THADA: variants seen among roughly 807,000 people sequenced by gnomAD.
THADA encodes the protein tRNA (32-2'-O)-methyltransferase regulator THADA.
A neutral mutation model predicts 219.8 loss-of-function variants in THADA; 213 were observed. The observed-to-expected ratio is 0.97, with a 90% confidence interval of 0.87 to 1.09. THADA has a LOEUF of 1.09. Among genes scored for constraint, THADA ranks in the 50% least tolerant of loss-of-function variants. The probability of loss-of-function intolerance (pLI) is 0.00; values close to 1 mark genes in which losing one functional copy is unlikely to be tolerated. For missense variants in THADA, 2,956 were observed against 2,311.3 expected, an observed-to-expected ratio of 1.28 and a Z score of -5.72; for synonymous variants, 1,018 against 828.9, an observed-to-expected ratio of 1.23 and a Z score of -3.92.
At chr2:43,456,349 T>C (rs1682996712) in intron 26 of THADA, among the ~76,000 whole-genome samples, 1 of 152,226 alleles carries the variant, frequency 6.6e-6, no homozygotes, top group Non-Finnish European at 1.5e-5. Flanking sequence ...CATTTCATTT[T>C]AGAAAAGGCT....
At chr2:43,579,204 C>T (rs1307083108) in intron 8 of THADA, among the ~76,000 whole-genome samples, 1 of 152,232 alleles carries the variant, frequency 6.6e-6, no homozygotes, top group Non-Finnish European at 1.5e-5. Context: ...CTAACATACA[C>T]TTTCTTCCTC....
intron 29 of THADA, among the ~76,000 whole-genome samples, chr2:43,360,858 T>G (rs1243026728): frequency 6.6e-6 from 1 of 152,238 alleles, no homozygotes; most frequent in Non-Finnish European, 1.5e-5. Flanking sequence ...GACAACAGGA[T>G]ATTTCTCTTG....
intron 22 of THADA, among the ~76,000 whole-genome samples, chr2:43,517,233 T>C (rs1691833854): frequency 6.6e-6 from 1 of 152,156 alleles, no homozygotes; most frequent in Non-Finnish European, 1.5e-5. Context: ...GGGAAGTTTA[T>C]TACTATTAAT....
At chr2:43,533,104 G>T (rs942956327) in intron 21 of THADA, among the ~76,000 whole-genome samples, 5 of 152,244 alleles carry the variant, frequency 3.3e-5, no homozygotes, top group Middle Eastern at 3.4e-3. Flanking sequence ...CTTCTCAAAA[G>T]AAGATATTTA....
chr2:43,351,707 G>A (rs1010750436), intron 29 of THADA, among the ~76,000 whole-genome samples: 1 of 152,214 alleles, frequency 6.6e-6, no homozygotes, highest in African/African-American at 2.4e-5. Flanking sequence ...GGTCTTGCTA[G>A]GGGTGGCAGA....
intron 5 of THADA, 53 bp downstream of exon 5, chr2:43,586,801 T>C (rs1701073125): frequency 1.2e-6 from 2 of 1,611,212 alleles, no homozygotes; most frequent in Admixed American, 3.4e-5. Flanking sequence ...TTAAAAACTA[T>C]GATGTGATGA....
chr2:43,441,726 T>G lies in THADA; in HGVS notation c.3837-11424A>C, dbSNP rs562647972. Among the ~76,000 whole-genome samples, 3 of 152,322 alleles carry G rather than the reference T, an allele frequency of 2.0e-5. No homozygotes were observed. In the South Asian group the frequency reaches 6.2e-4, roughly 32 times the overall value. On this transcript the variant is annotated intron_variant, in intron 26 of 37. Transcript: ENST00000405975. ...AATTTCATAGGTTTTGGACTGCCCA[T>G]GTAAGGTCTGTAATCTAGCCTTACT...
chr2:43,257,570 C>T (rs1028620816), intron 36 of THADA, among the ~76,000 whole-genome samples: 3 of 152,216 alleles, frequency 2.0e-5, no homozygotes, highest in South Asian at 2.1e-4. Context: ...CCACTTCCTC[C>T]GTTGGCATCT....
chr2:43,581,660 C>T (rs982911278), intron 8 of THADA, 81 bp downstream of exon 8: 4 of 1,241,834 alleles, frequency 3.2e-6, no homozygotes, highest in Non-Finnish European at 4.5e-6. Context: ...TCACATTTCA[C>T]ACTATTAGTA....
chr2:43,344,242 A>T lies in THADA; in HGVS notation c.4228-5T>A, dbSNP rs1350840665. On this transcript the variant is annotated splice_polypyrimidine_tract_variant and splice_region_variant and intron_variant, in intron 29 of 37. Transcript: ENST00000405975. The stretch of plus-strand genomic sequence containing the variant: ...GGCTTGCAACAAATGAAAAACCTAA[A>T]CCAAAAAAGAAAAAAAAATCCTGCT... 1 of 1,578,492 alleles carries T rather than the reference A, an allele frequency of 6.3e-7. No homozygotes were observed. Among genetic ancestry groups the T allele is most frequent in the South Asian group, 1.2e-5 (1 of 86,370 alleles).
intron 26 of THADA, among the ~76,000 whole-genome samples, chr2:43,440,832 C>T (rs1417426520): frequency 6.6e-6 from 1 of 152,130 alleles, no homozygotes; most frequent in Non-Finnish European, 1.5e-5. Flanking sequence ...CTCTGCTGAC[C>T]ATAATACCAC....
chr2:43,573,099 A>T (rs1183740045), intron 11 of THADA, 107 bp from the exon 12 acceptor site: 19 of 945,440 alleles, frequency 2.0e-5, no homozygotes, highest in Non-Finnish European at 2.8e-5. Context: ...AATAAATAAA[A>T]ATCACATTTT....
chr2:43,327,290 A>G (rs756891855), intron 30 of THADA, among the ~76,000 whole-genome samples: 1 of 152,168 alleles, frequency 6.6e-6, no homozygotes, highest in Non-Finnish European at 1.5e-5. Flanking sequence ...GTTCTCAACC[A>G]CAATAAGCAA....
At chr2:43,408,631 G>T (rs1675895840) in intron 28 of THADA, among the ~76,000 whole-genome samples, 1 of 152,098 alleles carries the variant, frequency 6.6e-6, no homozygotes, top group Non-Finnish European at 1.5e-5. Flanking sequence ...TAAAATATGA[G>T]TATCTAACAA....
At chr2:43,338,135 G>A (rs905712092) in intron 30 of THADA, among the ~76,000 whole-genome samples, 5 of 148,606 alleles carry the variant, frequency 3.4e-5, no homozygotes, top group African/African-American at 1.2e-4. Context: ...CCATATTGTT[G>A]TGTAACAAAT....
At chr2:43,353,869 G>A (rs1227962896) in intron 29 of THADA, among the ~76,000 whole-genome samples, 2 of 147,928 alleles carry the variant, frequency 1.4e-5, no homozygotes, top group Admixed American at 1.4e-4. Flanking sequence ...CCAGGCTGGA[G>A]TGCAGTGGTG....
chr2:43,585,249 A>C (rs546898670), intron 7 of THADA, among the ~76,000 whole-genome samples: 1 of 150,672 alleles, frequency 6.6e-6, no homozygotes, highest in Admixed American at 6.7e-5. Context: ...AGTGGCTCAC[A>C]CCTATAATCC....
rs553772180 is a variant in THADA at position 43,593,257 on chromosome 2, A to C, written c.-24-841T>G. Among the ~76,000 whole-genome samples the C allele has an allele frequency of 6.6e-5, 10 of 152,338 alleles. No homozygotes were observed. In the South Asian group the frequency reaches 1.7e-3, roughly 25 times the overall value. On this transcript the variant is annotated intron_variant, in intron 1 of 37. Coordinates refer to ENST00000405975, the MANE Select transcript of THADA (RefSeq NM_022065.5). Reference sequence around the variant, plus strand: ...CAAGATGAAACAGAAATAAATACAAAGGGCTGCATTTAGTTTAGGGGAAAA... The same window carrying C: ...CAAGATGAAACAGAAATAAATACAACGGGCTGCATTTAGTTTAGGGGAAAA...
At chr2:43,368,042 C>T (rs528551359) in intron 29 of THADA, among the ~76,000 whole-genome samples, 20 of 152,176 alleles carry the variant, frequency 1.3e-4, no homozygotes, top group Admixed American at 5.9e-4. Flanking sequence ...CACTTGAACC[C>T]GGGACGCAGA....
Sources: allele counts gnomAD v4.1 joint callset (sites outside exome capture counted in the v4.1 genomes callset), GRCh38; gene constraint gnomAD v4.1.1; transcripts MANE v1.5; gene names NCBI Gene and HGNC (gene_info 2026-07-23, HGNC 2026-07-21).